The following SLC38A4 variants were observed in gnomAD, a reference collection of about 807,000 sequenced individuals.
SLC38A4 encodes the protein solute carrier family 38 member 4.
In SLC38A4, 20 loss-of-function variants were observed where a neutral mutation model predicts 63.1. The observed-to-expected ratio is 0.32, with a 90% CI of 0.22 to 0.46. SLC38A4 has a LOEUF of 0.46. SLC38A4 is among the 20% of genes least tolerant of loss of function. The pLI is 1.00. For synonymous variants in SLC38A4, 230 were observed against 225.5 expected (o/e 1.02, Z -0.18); for missense variants, 526 against 663.6 (o/e 0.79, Z 2.28).
At chr12:46,815,105 T>G (rs1939411868) in intron 1 of SLC38A4, among the ~76,000 whole-genome samples, 1 of 151,858 alleles carries the variant, frequency 6.6e-6, no homozygotes, top group Admixed American at 6.6e-5. Flanking sequence ...TTATCTCATG[T>G]AATCACAGTT....
chr12:46,788,178 C>G, intron 4 of SLC38A4, 147 bp from the exon 5 acceptor site: 2 of 608,488 alleles, frequency 3.3e-6, no homozygotes, highest in Non-Finnish European at 5.8e-6. Context: ...TACTCAACAT[C>G]AATAAAAGCA....
At chr12:46,807,768 T>C (rs1292500230) in intron 1 of SLC38A4, among the ~76,000 whole-genome samples, 1 of 152,014 alleles carries the variant, frequency 6.6e-6, no homozygotes, top group Admixed American at 6.6e-5. Context: ...ATTATTTGTA[T>C]CACTTGTAAA....
At chr12:46,776,352 A>C (rs1187518637) in intron 13 of SLC38A4, among the ~76,000 whole-genome samples, 1 of 151,980 alleles carries the variant, frequency 6.6e-6, no homozygotes, top group Admixed American at 6.6e-5. Flanking sequence ...TTGGTGGTGC[A>C]TTCTTAGATT....
chr12:46,826,819 A>C (rs1196076262), upstream of SLC38A4, among the ~76,000 whole-genome samples: 2 of 152,242 alleles, frequency 1.3e-5, no homozygotes, highest in African/African-American at 4.8e-5. Context: ...AATTAAGTAA[A>C]CAATTTAAAA....
intron 1 of SLC38A4, among the ~76,000 whole-genome samples, chr12:46,817,606 T>A (rs940058412): frequency 6.6e-6 from 1 of 151,668 alleles, no homozygotes; most frequent in Non-Finnish European, 1.5e-5. Context: ...TCTAAGGCCT[T>A]ACCTGAAGCC....
intron 16 of SLC38A4, 105 bp from the exon 17 acceptor site, chr12:46,766,907 T>C: frequency 1.4e-6 from 1 of 704,764 alleles, no homozygotes; most frequent in Non-Finnish European, 2.4e-6. Flanking sequence ...TATTGAGCCA[T>C]ATTATTCTTA....
At chr12:46,807,269 C>A (rs1939252291) in intron 1 of SLC38A4, among the ~76,000 whole-genome samples, 1 of 151,824 alleles carries the variant, frequency 6.6e-6, no homozygotes, top group Non-Finnish European at 1.5e-5. Context: ...CCCTTTAGGT[C>A]ATCTCCCTTT....
upstream of SLC38A4, among the ~76,000 whole-genome samples, chr12:46,827,430 G>T (rs1939674599): frequency 6.6e-6 from 1 of 152,176 alleles, no homozygotes; most frequent in Admixed American, 6.5e-5. Flanking sequence ...TAAAAACCTG[G>T]AATAATAGAT....
intron 7 of SLC38A4, among the ~76,000 whole-genome samples, chr12:46,780,831 G>A (rs987681104): frequency 3.3e-5 from 5 of 151,710 alleles, no homozygotes; most frequent in African/African-American, 4.8e-5. Context: ...TATGCATCAC[G>A]CCTTTTTCAA....
In SLC38A4 at chr12:46,765,850, TA is replaced by T. The variant is rs139208263; in HGVS notation, c.*850del. On this transcript the variant is annotated 3_prime_UTR_variant, in exon 17 of 17. Transcript: ENST00000266579. ...GTGTATCTCCACGATTGTGGTCTTCTAAAAATTCTGAATGAGGATGGAAGAC... is the reference window on the plus strand; with the variant it reads ...GTGTATCTCCACGATTGTGGTCTTCTAAAATTCTGAATGAGGATGGAAGAC... 6.4e-6 allele frequency: 1 copy of T among 157,318 alleles called. No homozygotes were observed. Among genetic ancestry groups the T allele is most frequent in the African/African-American group, 2.4e-5 (1 of 41,458 alleles). 9.7% of individuals were successfully genotyped at this position (157,318 alleles called of 1,614,324 possible).
intron 16 of SLC38A4, 121 bp downstream of exon 16, chr12:46,768,189 C>A (rs1473103529): frequency 6.2e-6 from 4 of 650,092 alleles, no homozygotes; most frequent in Non-Finnish European, 7.7e-6. Flanking sequence ...AAGTTCTAGC[C>A]CAGTTTTGAT....
At chr12:46,782,033 T>C (rs1938653422) in intron 7 of SLC38A4, among the ~76,000 whole-genome samples, 1 of 152,056 alleles carries the variant, frequency 6.6e-6, no homozygotes, top group East Asian at 1.9e-4. Flanking sequence ...TGAGACAATT[T>C]TGATATTACT....
chr12:46,807,889 AC>A (rs67831647), intron 1 of SLC38A4, among the ~76,000 whole-genome samples: 91,931 of 142,834 alleles, frequency 0.64, 29,272 homozygotes, highest in Non-Finnish European at 0.68. Flanking sequence ...ATTAAATGTT[AC>A]CCCCCCCCCC....
chr12:46,802,047 A>G (rs1306354453), intron 2 of SLC38A4, among the ~76,000 whole-genome samples: 3 of 152,064 alleles, frequency 2.0e-5, no homozygotes, highest in Non-Finnish European at 2.9e-5. Context: ...GTCTTTTCCC[A>G]TTTCTGAAAA....
intron 4 of SLC38A4, 122 bp downstream of exon 4, chr12:46,788,406 A>C: frequency 1.3e-6 from 1 of 754,514 alleles, no homozygotes; most frequent in East Asian, 2.5e-5. Flanking sequence ...AAGAGCCTGA[A>C]TAAACACAGA....
At chr12:46,767,748 T>C (rs1938329308) in intron 16 of SLC38A4, among the ~76,000 whole-genome samples, 1 of 152,162 alleles carries the variant, frequency 6.6e-6, no homozygotes, top group South Asian at 2.1e-4. Flanking sequence ...TAGCATTTGT[T>C]TCTATAGTAG....
At chr12:46,789,736 AAAAGAAAGAT>A (rs1437949690) in intron 3 of SLC38A4, among the ~76,000 whole-genome samples, 1 of 152,214 alleles carries the variant, frequency 6.6e-6, no homozygotes, top group Non-Finnish European at 1.5e-5. Flanking sequence ...TTCCTACATG[AAAAGAAAGAT>A]AAAGAAAGAT....
intron 2 of SLC38A4, among the ~76,000 whole-genome samples, chr12:46,800,403 G>A (rs755161462): frequency 1.3e-5 from 2 of 151,968 alleles, no homozygotes; most frequent in Non-Finnish European, 1.5e-5. Context: ...TACTGAAGCC[G>A]ATCACCCCTC....
At chr12:46,815,182 A>G (rs780659466) in intron 1 of SLC38A4, among the ~76,000 whole-genome samples, 6 of 149,762 alleles carry the variant, frequency 4.0e-5, no homozygotes, top group Admixed American at 2.7e-4. Context: ...GAGATAGTAT[A>G]CTGTATTAAC....
Sources: gnomAD v4.1 joint callset for allele counts (sites outside exome capture counted in the v4.1 genomes callset) on GRCh38, gnomAD v4.1.1 for gene constraint, MANE v1.5 for transcripts, NCBI Gene and HGNC (gene_info 2026-07-23, HGNC 2026-07-21) for gene names.